Variants in ATXN2L observed in about 807,000 individuals in gnomAD.
ATXN2L encodes the protein ataxin 2 like.
ATXN2L carries 24 observed loss-of-function variants against 120.7 expected under a neutral mutation model. The observed-to-expected ratio is 0.20, with a 90% CI of 0.14 to 0.28. The LOEUF is 0.28. ATXN2L is among the 10% of genes least tolerant of loss of function. The probability of loss-of-function intolerance (pLI) is 1.00; values close to 1 mark genes in which losing one functional copy is unlikely to be tolerated. For missense variants in ATXN2L, 1,312 were observed against 1,432.3 expected (o/e 0.92, Z 1.36); for synonymous variants, 653 against 568.1 (o/e 1.15, Z -2.13).
In ATXN2L at chr16:28,834,640, C is replaced by G; in HGVS notation, c.2380C>G (p.Gln794Glu). ...YSSYIPYNPQQFPGQPAMMQP... is the reference protein window; with the variant it reads ...YSSYIPYNPQEFPGQPAMMQP... ...TTCCTACATCCCCTACAACCCTCAG[C>G]AGTTCCCAGGCCAGCCAGCCATGAT... Residue 794 changes from glutamine to glutamate, a missense_variant, in exon 18 of 22, where the codon CAG becomes GAG. By Grantham distance (29) the Gln-to-Glu change is conservative. Coordinates refer to ENST00000336783, the MANE Select transcript of ATXN2L (RefSeq NM_007245.4). 2.5e-6 allele frequency: 4 copies of G among 1,614,002 alleles called. No homozygotes were observed. The highest frequency in any genetic ancestry group is 3.4e-6 in the Non-Finnish European group (4 of 1,180,012).
chr16:28,832,683 A>G, intron 12 of ATXN2L, 116 bp downstream of exon 12: 1 of 1,413,778 alleles, frequency 7.1e-7, no homozygotes, highest in Non-Finnish European at 9.8e-7. Flanking sequence ...TCCTTGGATT[A>G]TAATTTCACT....
In ATXN2L at chr16:28,836,899, GA is replaced by G; in HGVS notation, c.*636del. 2 of 1,081,552 alleles carry G rather than the reference GA, an allele frequency of 1.8e-6. No individual in the cohort carries two copies. Among genetic ancestry groups the G allele is most frequent in the Non-Finnish European group, 2.7e-6 (2 of 738,010 alleles). The allele number at this position is 1,081,552 out of a possible 1,614,324, so 67.0% of individuals were successfully genotyped here. A position where few individuals can be genotyped will look rare whatever the true frequency, so the allele number is the denominator to read the frequency against. Reference sequence around the variant, plus strand: ...CCCCCCGTTCCCCAGGGGAGCTGGGGAATTCCTGCCAAGCACCTTGAATGGG... The same window carrying G: ...CCCCCCGTTCCCCAGGGGAGCTGGGGATTCCTGCCAAGCACCTTGAATGGG... On this transcript the variant is annotated 3_prime_UTR_variant, in exon 22 of 22. Transcript: ENST00000336783.
In ATXN2L at chr16:28,835,416, G is replaced by C. The variant is rs371695617; in HGVS notation, c.2685+17G>C. 1.6e-5 allele frequency: 25 copies of C among 1,612,272 alleles called. No individual in the cohort carries two copies. Among genetic ancestry groups the C allele is most frequent in the Middle Eastern group, 1.7e-4 (1 of 6,012 alleles). Reference sequence around the variant, plus strand: ...CCTGTCCAGGTGCCTGCCATGGGGGGTGCTGAGTGGTCCTGGTGCAGGAAT... The same window carrying C: ...CCTGTCCAGGTGCCTGCCATGGGGGCTGCTGAGTGGTCCTGGTGCAGGAAT... On this transcript the variant is annotated intron_variant, in intron 20 of 21. Transcript: ENST00000336783.
chr16:28,823,849 GT>G (rs2050546764), intron 1 of ATXN2L: 2 of 338,994 alleles, frequency 5.9e-6, no homozygotes, highest in Admixed American at 5.0e-5. Flanking sequence ...GGAACGGGGA[GT>G]TGGGGGGGGG....
At position 28,835,628 on chromosome 16, in the gene ATXN2L, C is replaced by T. The variant is rs749199841; in HGVS notation, c.2765C>T (p.Thr922Met). The T allele has an allele frequency of 1.3e-5, 21 of 1,613,942 alleles. No homozygotes were observed. The highest frequency in any genetic ancestry group is 2.7e-5 in the African/African-American group (2 of 74,912). ...TACCACCCAGGGGCCCTGACAGGCACGCCGCCCTCTCTGCCACCGGGACCT... is the reference window on the plus strand; with the variant it reads ...TACCACCCAGGGGCCCTGACAGGCATGCCGCCCTCTCTGCCACCGGGACCT... ...NLYHPGALTG[T>M]PPSLPPGPSA... Residue 922 changes from threonine (T) to methionine (M), a missense_variant, in exon 21 of 22, where the codon ACG becomes ATG. Thr to Met is a moderately conservative substitution (Grantham distance 81). Transcript: ENST00000336783.
At chr16:28,830,492 T>C in intron 8 of ATXN2L, 123 bp from the exon 9 acceptor site, 1 of 931,090 alleles carries the variant, frequency 1.1e-6, no homozygotes, top group Non-Finnish European at 1.6e-6. Context: ...GGGATGGTGC[T>C]GGAGCCAGGC....
In ATXN2L at chr16:28,836,212, A is replaced by G. The variant is rs1438996174; in HGVS notation, c.3175A>G (p.Arg1059Gly). Residue 1059 changes from arginine (R) to glycine (G), a missense_variant, in exon 22 of 22, where the codon AGA (arginine) becomes GGA (glycine). Arg to Gly is a moderately radical substitution (Grantham distance 125). Transcript: ENST00000336783. ...ATTAGCTGGGGGAATTTGGCATGGAAGAGCTGAGGGGCTGCAGGTGGGGCA... is the reference window on the plus strand; with the variant it reads ...ATTAGCTGGGGGAATTTGGCATGGAGGAGCTGAGGGGCTGCAGGTGGGGCA... ...FSLAGGIWHGRAEGLQVGQDA... is the reference protein window; with the variant it reads ...FSLAGGIWHGGAEGLQVGQDA... 2 of 1,613,858 alleles carry G rather than the reference A, an allele frequency of 1.2e-6. No individual in the cohort carries two copies. Among genetic ancestry groups the G allele is most frequent in the Non-Finnish European group, 1.7e-6 (2 of 1,179,954 alleles).
Position 28,823,511 on chromosome 16 carries a change from G to C in ATXN2L, c.252G>C (p.Pro84=). The change falls in exon 1 of 22, where the codon CCG becomes CCC. Residue 84 remains proline (P), a synonymous_variant. Coordinates refer to ENST00000336783, the MANE Select transcript of ATXN2L (RefSeq NM_007245.4). Reference sequence around the variant, plus strand: ...TCTTGGCGCCGCAGCCGCCGCCGCCGCAGCAACACCAGGAGAGGCCGGGGG... The same window carrying C: ...TCTTGGCGCCGCAGCCGCCGCCGCCCCAGCAACACCAGGAGAGGCCGGGGG... ...EGILAPQPPP[P]QQHQERPGAA... is the part of the protein sequence containing the mutation. The C allele has an allele frequency of 7.2e-7, 1 of 1,389,264 alleles. No homozygotes were observed. Among genetic ancestry groups the C allele is most frequent in the South Asian group, 1.6e-5 (1 of 63,882 alleles). The allele number at this position is 1,389,264 out of a possible 1,614,324, so 86.1% of individuals were successfully genotyped here. A position where few individuals can be genotyped will look rare whatever the true frequency, so the allele number is the denominator to read the frequency against.
At chr16:28,825,898 T>C (rs993559122) in intron 4 of ATXN2L, 57 bp downstream of exon 4, 39 of 1,481,312 alleles carry the variant, frequency 2.6e-5, no homozygotes, top group Middle Eastern at 1.7e-4. Context: ...GAGAATGAAA[T>C]AGGCTCATTG....
Position 28,835,200 on chromosome 16 carries a change from C to T in ATXN2L, c.2563+13C>T, listed in dbSNP as rs368022762. 1 of 1,609,048 alleles carries T rather than the reference C, an allele frequency of 6.2e-7. No individual in the cohort carries two copies. Among genetic ancestry groups the T allele is most frequent in the Non-Finnish European group, 8.5e-7 (1 of 1,176,914 alleles). On this transcript the variant is annotated intron_variant, in intron 19 of 21. Coordinates refer to ENST00000336783, the MANE Select transcript of ATXN2L (RefSeq NM_007245.4). ...CAAGCCCTTTATGGTGAGTCCTGCG[C>T]CTGGTCCCTCTGCTCTGGGCTGTGT... is the stretch of plus-strand genomic sequence containing the variant.
chr16:28,828,239 G>T (rs2052966545), intron 6 of ATXN2L, among the ~76,000 whole-genome samples: 1 of 152,162 alleles, frequency 6.6e-6, no homozygotes, highest in Non-Finnish European at 1.5e-5. Context: ...TAGGTCTTAT[G>T]ACTTTTCAGG....
At chr16:28,823,972 A>AG (rs768906013) in intron 1 of ATXN2L, 400 of 407,384 alleles carry the variant, frequency 9.8e-4, no homozygotes, top group Admixed American at 1.6e-3. Flanking sequence ...TAGCCAATGG[A>AG]GGGGGGCGCG....
Position 28,835,700 on chromosome 16 carries a change from A to T in ATXN2L, c.2837A>T (p.Tyr946Phe). Residue 946 changes from tyrosine (Y) to phenylalanine (F), a missense_variant, in exon 21 of 22, where the codon TAT becomes TTT. Physicochemically the swap from Tyr to Phe is conservative, Grantham distance 22. Coordinates refer to ENST00000336783, the MANE Select transcript of ATXN2L (RefSeq NM_007245.4). ...AGCTTCCCCCAGCCAGCCGCTGTGT[A>T]TGCCATCCACCACCAGCAGCTGCCC... ...QSSFPQPAAV[Y>F]AIHHQQLPHG... The T allele has an allele frequency of 6.2e-7, 1 of 1,613,938 alleles. No individual in the cohort carries two copies. Among genetic ancestry groups the T allele is most frequent in the Non-Finnish European group, 8.5e-7 (1 of 1,179,946 alleles).
intron 12 of ATXN2L, 57 bp downstream of exon 12, chr16:28,832,624 T>A: frequency 1.9e-6 from 3 of 1,567,882 alleles, no homozygotes; most frequent in Non-Finnish European, 2.6e-6. Flanking sequence ...GGGGAGAGTA[T>A]TTCAGTTAGG....
rs1367432420 is a variant in ATXN2L at position 28,823,535 on chromosome 16, G to A, written c.276G>A (p.Gly92=). 9 of 1,372,834 alleles carry A rather than the reference G, an allele frequency of 6.6e-6. No homozygotes were observed. The highest frequency in any genetic ancestry group is 7.5e-6 in the Non-Finnish European group (8 of 1,065,762). The allele number at this position is 1,372,834 out of a possible 1,614,324, so 85.0% of individuals were successfully genotyped here. A position where few individuals can be genotyped will look rare whatever the true frequency, so the allele number is the denominator to read the frequency against. Residue 92 remains glycine, a synonymous_variant, in exon 1 of 22, where the codon GGG becomes GGA. Transcript: ENST00000336783. ...CGCAGCAACACCAGGAGAGGCCGGG[G>A]GCAGCCGCCATCGGCAGCGCCAGGT... The part of the protein sequence containing the change: ...PPPQQHQERP[G]AAAIGSARGQ...
In ATXN2L at chr16:28,823,579, G is replaced by A. The variant is rs1169495796; in HGVS notation, c.299+21G>A. 3.0e-6 allele frequency: 4 copies of A among 1,311,614 alleles called. No homozygotes were observed. The South Asian group carries it at 8.4e-5, about 27-fold the overall frequency. 81.2% of individuals were successfully genotyped at this position (1,311,614 alleles called of 1,614,324 possible). ...GCCAGGTGAGAAGGGTGGGCTCCGG[G>A]CGAGGGAGCCGCGGCCACCCAGAGG... On this transcript the variant is annotated intron_variant, in intron 1 of 21. Transcript: ENST00000336783.
At position 28,835,908 on chromosome 16, in the gene ATXN2L, C is replaced by T. The variant is rs201739423; in HGVS notation, c.2896-25C>T. The T allele has an allele frequency of 1.8e-4, 278 of 1,550,194 alleles. 2 individuals carry two copies. In the African/African-American group the frequency reaches 3.6e-3, roughly 20 times the overall value. ...TCTGTTTCAGGATTCTGTGGTCTTC[C>T]CGGCTACTTTTTTGTTTTCCACAGG... On this transcript the variant is annotated intron_variant, in intron 21 of 21. Coordinates refer to ENST00000336783, the MANE Select transcript of ATXN2L (RefSeq NM_007245.4).
Position 28,823,236 on chromosome 16 carries a change from A to G in ATXN2L, c.-24A>G. On this transcript the variant is annotated 5_prime_UTR_variant, in exon 1 of 22. Coordinates refer to ENST00000336783, the MANE Select transcript of ATXN2L (RefSeq NM_007245.4). Reference sequence around the variant, plus strand: ...CCCCTCTCTCCCTCCCTTCTCTCTAATTCCCCTTCCGGACGCTGCCATCAT... The same window carrying G: ...CCCCTCTCTCCCTCCCTTCTCTCTAGTTCCCCTTCCGGACGCTGCCATCAT... 1 of 1,413,486 alleles carries G rather than the reference A, an allele frequency of 7.1e-7. No individual in the cohort carries two copies. The highest frequency in any genetic ancestry group is 9.2e-7 in the Non-Finnish European group (1 of 1,081,646). 87.6% of individuals were successfully genotyped at this position (1,413,486 alleles called of 1,614,324 possible). A position where few individuals can be genotyped will look rare whatever the true frequency, so the allele number is the denominator to read the frequency against.
intron 18 of ATXN2L, 22 bp from the exon 19 acceptor site, chr16:28,835,036 A>T: frequency 6.2e-7 from 1 of 1,600,460 alleles, no homozygotes; most frequent in Non-Finnish European, 8.5e-7. Flanking sequence ...TGTGCCAACC[A>T]CTCCTCTCTC....
Sources: allele counts gnomAD v4.1 joint callset (sites outside exome capture counted in the v4.1 genomes callset), GRCh38; gene constraint gnomAD v4.1.1; transcripts MANE v1.5; gene names NCBI Gene and HGNC (gene_info 2026-07-23, HGNC 2026-07-21).